The following KLRG1 variants were observed in gnomAD, a reference collection of about 807,000 sequenced individuals.
KLRG1 encodes the protein killer cell lectin-like receptor subfamily G member 1.
A neutral mutation model predicts 21.8 loss-of-function variants in KLRG1; 16 were observed. The observed-to-expected ratio is 0.73, with a 90% CI of 0.50 to 1.11. KLRG1 has a LOEUF of 1.11. Among genes scored for constraint, KLRG1 ranks in the 50% most tolerant of loss-of-function variants. The pLI is 0.00. For missense variants in KLRG1, 173 were observed against 218.3 expected, an observed-to-expected ratio of 0.79 and a Z score of 1.31; for synonymous variants, 69 against 75.9, an observed-to-expected ratio of 0.91 and a Z score of 0.47.
chr12:9,042,573 C>T, the KLRG1 span, among the ~76,000 whole-genome samples: 1 of 152,172 alleles, frequency 6.6e-6, no homozygotes, highest in Non-Finnish European at 1.5e-5. Flanking sequence ...CATTGTTACC[C>T]AGCACTTTTC....
the KLRG1 span, chr12:9,068,289 T>C: frequency 3.3e-6 from 5 of 1,533,820 alleles, no homozygotes; most frequent in East Asian, 2.3e-5. Context: ...AAAGCAAACA[T>C]CTGTGGGATA....
intron 1 of KLRG1, among the ~76,000 whole-genome samples, chr12:8,980,404 G>T (rs1239728917): frequency 6.6e-6 from 1 of 151,916 alleles, no homozygotes; most frequent in Non-Finnish European, 1.5e-5. Flanking sequence ...CATTTCTTTG[G>T]GTTTGGTTAC....
the KLRG1 span, among the ~76,000 whole-genome samples, chr12:9,031,740 G>C: frequency 2.0e-5 from 3 of 152,184 alleles, 1 homozygote; most frequent in Non-Finnish European, 4.4e-5. Context: ...ACACACTTAA[G>C]AAATGCATTG....
the KLRG1 span, chr12:9,164,292 A>T: frequency 6.2e-7 from 1 of 1,607,044 alleles, no homozygotes; most frequent in Non-Finnish European, 8.5e-7. Flanking sequence ...GACAGAAATG[A>T]TCAGAATATG....
the KLRG1 span, among the ~76,000 whole-genome samples, chr12:9,045,249 G>A: frequency 4.7e-4 from 71 of 152,254 alleles, no homozygotes; most frequent in Admixed American, 3.9e-3. Context: ...ACAGTTTTGC[G>A]AGAGAAGATA....
chr12:9,152,172 A>G, the KLRG1 span: 2 of 1,313,740 alleles, frequency 1.5e-6, no homozygotes, highest in South Asian at 1.2e-5. Context: ...GTTTGGGGAT[A>G]CAGAACATAC....
At chr12:9,095,607 A>G in the KLRG1 span, 1 of 1,611,878 alleles carries the variant, frequency 6.2e-7, no homozygotes, top group Non-Finnish European at 8.5e-7. Flanking sequence ...CCATTAATAT[A>G]GACATTATGA....
chr12:9,072,572 A>G, the KLRG1 span: 1 of 1,600,600 alleles, frequency 6.2e-7, no homozygotes, highest in Non-Finnish European at 8.5e-7. Context: ...GATCTGTCCC[A>G]TTGTTTTCTG....
the KLRG1 span, among the ~76,000 whole-genome samples, chr12:9,102,541 T>G: frequency 6.6e-6 from 1 of 152,168 alleles, no homozygotes; most frequent in Non-Finnish European, 1.5e-5. Flanking sequence ...TAATGCTCCC[T>G]GCAATCTGGA....
the KLRG1 span, chr12:9,165,237 G>A: frequency 3.1e-6 from 5 of 1,614,178 alleles, no homozygotes; most frequent in South Asian, 3.3e-5. Flanking sequence ...ACAAAGAAGG[G>A]CTGGAAGGCT....
the KLRG1 span, chr12:9,165,178 G>A: frequency 6.2e-7 from 1 of 1,614,130 alleles, no homozygotes; most frequent in South Asian, 1.1e-5. Flanking sequence ...CCGTGGCCTT[G>A]AGTGTGAAGA....
At chr12:9,201,371 G>T in the KLRG1 span, 1 of 1,544,770 alleles carries the variant, frequency 6.5e-7, no homozygotes, top group East Asian at 2.2e-5. Flanking sequence ...GGAAAGAAGA[G>T]ATGTGATTAG....
chr12:9,044,059 G>A, the KLRG1 span, among the ~76,000 whole-genome samples: 1 of 152,312 alleles, frequency 6.6e-6, no homozygotes, highest in Admixed American at 6.5e-5. Flanking sequence ...GTCAACCCAT[G>A]AAACTGTGAA....
the KLRG1 span, among the ~76,000 whole-genome samples, chr12:9,171,425 A>G: frequency 6.6e-6 from 1 of 152,216 alleles, no homozygotes; most frequent in African/African-American, 2.4e-5. Context: ...AAAACAACGA[A>G]AACTCAAAAT....
chr12:9,113,477 C>A, the KLRG1 span: 3 of 1,613,694 alleles, frequency 1.9e-6, no homozygotes, highest in Admixed American at 5.0e-5. Context: ...TCAGGTAGCT[C>A]AGAAGGACAC....
chr12:9,043,139 A>G, the KLRG1 span, among the ~76,000 whole-genome samples: 2 of 141,602 alleles, frequency 1.4e-5, no homozygotes, highest in South Asian at 4.4e-4. Flanking sequence ...GCAGTGGTGC[A>G]CTCTTGGCTC....
At chr12:9,194,006 A>G in the KLRG1 span, 10 of 1,378,552 alleles carry the variant, frequency 7.3e-6, no homozygotes, top group Non-Finnish European at 6.0e-6. Flanking sequence ...TGCAATCTGT[A>G]CATTTCTTCT....
At chr12:9,090,912 G>A in the KLRG1 span, among the ~76,000 whole-genome samples, 187 of 152,260 alleles carry the variant, frequency 1.2e-3, no homozygotes, top group Non-Finnish European at 1.9e-3. Context: ...ATATGAGATC[G>A]TAGAGGTTGA....
the KLRG1 span, chr12:9,157,124 C>A: frequency 6.4e-7 from 1 of 1,552,446 alleles, no homozygotes; most frequent in Non-Finnish European, 8.8e-7. Flanking sequence ...TGTTCCCCTC[C>A]CTGTGTCTAT....
Sources: allele counts gnomAD v4.1 joint callset (sites outside exome capture counted in the v4.1 genomes callset), GRCh38; gene constraint gnomAD v4.1.1; transcripts MANE v1.5; gene names NCBI Gene and HGNC (gene_info 2026-07-23, HGNC 2026-07-21).